Variants in PKP1 observed in about 807,000 individuals in gnomAD.
The protein encoded by PKP1 is plakophilin 1, also known as plakophilin-1.
Under a neutral mutation model 76.4 loss-of-function variants are expected in PKP1, and 27 were observed. That is an observed-to-expected ratio of 0.35 (90% CI 0.26 to 0.49). The LOEUF (loss-of-function observed/expected upper bound fraction) is 0.49. Ranked by LOEUF, PKP1 falls within the 20% of genes least tolerant of loss-of-function variation. The pLI, the probability that PKP1 is intolerant of heterozygous loss-of-function variation, is 0.99. For synonymous variants in PKP1, 404 were observed against 384.2 expected, an observed-to-expected ratio of 1.05 and a Z score of -0.60; for missense variants, 964 against 955.2, an observed-to-expected ratio of 1.01 and a Z score of -0.12.
At position 201,324,517 on chromosome 1, in the gene PKP1, G is replaced by A. The variant is rs1341608083; in HGVS notation, c.1770G>A (p.Val590=). The change falls in exon 10 of 14, where the codon GTG becomes GTA. Residue 590 remains valine (V), a synonymous_variant. Coordinates refer to ENST00000367324, the MANE Select transcript of PKP1 (RefSeq NM_001005337.3). ...TCCTGCAATCTGGCAACTCTGATGT[G>A]GTGCGGTCCGGAGCCTCCCTCCTGA... ...ARLLQSGNSD[V]VRSGASLLSN... is the part of the protein sequence containing the mutation. The A allele has an allele frequency of 6.2e-7, 1 of 1,614,128 alleles. No homozygotes were observed. Among genetic ancestry groups the A allele is most frequent in the East Asian group, 2.2e-5 (1 of 44,868 alleles).
chr1:201,322,086 G>A lies in PKP1; in HGVS notation c.1456G>A (p.Glu486Lys), dbSNP rs745505593. The A allele has an allele frequency of 1.2e-5, 19 of 1,612,954 alleles. No individual in the cohort carries two copies. The highest frequency in any genetic ancestry group is 4.5e-5 in the East Asian group (2 of 44,890). Residue 486 changes from glutamate to lysine, a missense_variant, in exon 8 of 14, where the codon GAG becomes AAG. Transcript: ENST00000367324. ...GTATAACGCCCGCAACGCCTACACCGAGAAGTCCTCCACTGGCTGCTTCAG... is the reference window on the plus strand; with the variant it reads ...GTATAACGCCCGCAACGCCTACACCAAGAAGTCCTCCACTGGCTGCTTCAG... ...LEYNARNAYT[E>K]KSSTGCFSNK...
intron 5 of PKP1, among the ~76,000 whole-genome samples, 200 bp downstream of exon 5, chr1:201,317,979 G>T (rs1656815181): frequency 6.6e-6 from 1 of 152,238 alleles, no homozygotes; most frequent in Admixed American, 6.5e-5. Flanking sequence ...ACCTTGGGTG[G>T]TGTGCACACA....
rs376318223 is a variant in PKP1, at chr1:201,320,361, G to T, written c.1327G>T (p.Ala443Ser). Residue 443 changes from alanine (A) to serine (S), a missense_variant, in exon 7 of 14, where the codon GCC (alanine) becomes TCC (serine). Coordinates refer to ENST00000367324, the MANE Select transcript of PKP1 (RefSeq NM_001005337.3). The stretch of plus-strand genomic sequence containing the variant: ...GGCCTATGTCCAGAACTGTGTAGCG[G>T]CCAGCCGCTGTGACGACAAGGTGAG... ...LMAYVQNCVAASRCDDKSVEN... is the reference protein window; with the variant it reads ...LMAYVQNCVASSRCDDKSVEN... 4 of 1,612,428 alleles carry T rather than the reference G, an allele frequency of 2.5e-6. No individual in the cohort carries two copies. The African/African-American group carries it at 4.0e-5, about 16-fold the overall frequency.
Position 201,317,798 on chromosome 1 carries a change from C to G in PKP1, c.1054+19C>G. 2 of 1,608,416 alleles carry G rather than the reference C, an allele frequency of 1.2e-6. No individual in the cohort carries two copies. The highest frequency in any genetic ancestry group is 1.7e-6 in the Non-Finnish European group (2 of 1,177,710). ...CTGACTGGTAGGACAACACGGCCAC[C>G]GAGAGCCAGCCTGAGGGCTGTGCAA... On this transcript the variant is annotated intron_variant, in intron 5 of 13. Transcript: ENST00000367324.
Position 201,283,537 on chromosome 1 carries a change from C to A in PKP1, c.-166C>A. 1 of 688,450 alleles carries A rather than the reference C, an allele frequency of 1.5e-6. No individual in the cohort carries two copies. Among genetic ancestry groups the A allele is most frequent in the Non-Finnish European group, 2.6e-6 (1 of 386,896 alleles). 42.6% of individuals were successfully genotyped at this position (688,450 alleles called of 1,614,324 possible). ...AGAGAGGGACGAACCAGGGTGGAAGCGCCAGGAGCAGCTGCAGGGAGCCCT... is the reference window on the plus strand; with the variant it reads ...AGAGAGGGACGAACCAGGGTGGAAGAGCCAGGAGCAGCTGCAGGGAGCCCT... On this transcript the variant is annotated 5_prime_UTR_variant, in exon 1 of 14. Coordinates refer to ENST00000367324, the MANE Select transcript of PKP1 (RefSeq NM_001005337.3).
chr1:201,307,486 T>C (rs1196218382), intron 2 of PKP1, among the ~76,000 whole-genome samples: 3 of 152,152 alleles, frequency 2.0e-5, no homozygotes, highest in South Asian at 2.1e-4. Context: ...CCTACCCCTT[T>C]GGGAAGATTC....
Position 201,316,618 on chromosome 1 carries a change from C to T in PKP1, c.767C>T (p.Ser256Phe). ...TIPKAVQYLS[S>F]QDEKYQAIGA... Reference sequence around the variant, plus strand: ...CCCAAGGCTGTGCAGTACCTGAGCTCCCAGGATGAGAAGTACCAGGCCATT... The same window carrying T: ...CCCAAGGCTGTGCAGTACCTGAGCTTCCAGGATGAGAAGTACCAGGCCATT... The change falls in exon 4 of 14, where the codon TCC (serine) becomes TTC (phenylalanine). Residue 256 changes from serine (S) to phenylalanine (F), a missense_variant. Coordinates refer to ENST00000367324, the MANE Select transcript of PKP1 (RefSeq NM_001005337.3). 2 of 1,613,104 alleles carry T rather than the reference C, an allele frequency of 1.2e-6. No homozygotes were observed. The highest frequency in any genetic ancestry group is 1.7e-6 in the Non-Finnish European group (2 of 1,179,592).
intron 2 of PKP1, among the ~76,000 whole-genome samples, chr1:201,302,743 C>T (rs566742182): frequency 2.4e-4 from 36 of 152,314 alleles, no homozygotes; most frequent in Middle Eastern, 3.4e-3. Flanking sequence ...GCTCTAGACC[C>T]GGAGCCCCTC....
At position 201,313,282 on chromosome 1, in the gene PKP1, C is replaced by A. The variant is rs757688426; in HGVS notation, c.423C>A (p.Gly141=). Residue 141 remains glycine, a synonymous_variant, in exon 3 of 14, where the codon GGC becomes GGA. Coordinates refer to ENST00000367324, the MANE Select transcript of PKP1 (RefSeq NM_001005337.3). ...PRGSCNTTGA[G]SDICFMQKIK... ...GCAGCTGTAACACCACCGGCGCAGG[C>A]AGCGACATCTGCTTCATGCAGAAAA... The A allele has an allele frequency of 1.9e-6, 3 of 1,603,580 alleles. No homozygotes were observed. Among genetic ancestry groups the A allele is most frequent in the South Asian group, 2.2e-5 (2 of 89,300 alleles).
At chr1:201,305,099 A>T (rs1025090476) in intron 2 of PKP1, among the ~76,000 whole-genome samples, 5 of 152,092 alleles carry the variant, frequency 3.3e-5, no homozygotes, top group African/African-American at 1.2e-4. Context: ...GCAGGTGGGG[A>T]GTGCATATAG....
chr1:201,301,495 T>G (rs1656229485), intron 2 of PKP1, among the ~76,000 whole-genome samples: 1 of 152,158 alleles, frequency 6.6e-6, no homozygotes, highest in Non-Finnish European at 1.5e-5. Flanking sequence ...TATGCTTGGA[T>G]GGGCCTGGGG....
intron 10 of PKP1, 26 bp from the exon 11 acceptor site, chr1:201,324,915 T>C (rs1226377741): frequency 6.2e-7 from 1 of 1,608,814 alleles, no homozygotes; most frequent in Non-Finnish European, 8.5e-7. Context: ...ATCCTGACCC[T>C]GTGCCCCAAC....
At chr1:201,289,177 CT>C (rs1461632231) in intron 1 of PKP1, among the ~76,000 whole-genome samples, 1 of 152,214 alleles carries the variant, frequency 6.6e-6, no homozygotes, top group African/African-American at 2.4e-5. Flanking sequence ...CTCCTGCCCA[CT>C]CCGAAACACC....
chr1:201,318,003 T>C (rs1656815682), intron 5 of PKP1, among the ~76,000 whole-genome samples: 1 of 152,232 alleles, frequency 6.6e-6, no homozygotes, highest in African/African-American at 2.4e-5. Context: ...GGGGTCACCA[T>C]CTTTTTGAGG....
In PKP1 at chr1:201,317,786, C is replaced by G; in HGVS notation, c.1054+7C>G. 6.2e-7 allele frequency: 1 copy of G among 1,609,792 alleles called. No individual in the cohort carries two copies. Among genetic ancestry groups the G allele is most frequent in the East Asian group, 2.2e-5 (1 of 44,706 alleles). ...ATCCAGAAGCAGCTGACTGGTAGGA[C>G]AACACGGCCACCGAGAGCCAGCCTG... is the stretch of plus-strand genomic sequence containing the variant. On this transcript the variant is annotated splice_region_variant and intron_variant, in intron 5 of 13. Coordinates refer to ENST00000367324, the MANE Select transcript of PKP1 (RefSeq NM_001005337.3).
At chr1:201,305,565 G>A (rs1485540828) in intron 2 of PKP1, among the ~76,000 whole-genome samples, 4 of 152,210 alleles carry the variant, frequency 2.6e-5, no homozygotes, top group African/African-American at 7.2e-5. Context: ...TTCCACTGTT[G>A]GGTCTCCAGG....
At chr1:201,309,744 A>G (rs971374904) in intron 2 of PKP1, among the ~76,000 whole-genome samples, 1 of 152,216 alleles carries the variant, frequency 6.6e-6, no homozygotes, top group Non-Finnish European at 1.5e-5. Flanking sequence ...GGGACCTGGA[A>G]GACAGTGTTT....
intron 8 of PKP1, 85 bp downstream of exon 8, chr1:201,322,218 C>G: frequency 1.4e-6 from 2 of 1,445,938 alleles, no homozygotes; most frequent in South Asian, 2.4e-5. Flanking sequence ...TCCTCTGGGC[C>G]CTCCTGGAGC....
At chr1:201,293,894 A>G in intron 1 of PKP1, 48 bp from the exon 2 acceptor site, 1 of 1,242,888 alleles carries the variant, frequency 8.0e-7, no homozygotes, top group Non-Finnish European at 1.2e-6. Context: ...ACAGGGGTGG[A>G]TGAAGATCAT....
Sources: gnomAD v4.1 joint callset for allele counts (sites outside exome capture counted in the v4.1 genomes callset) on GRCh38, gnomAD v4.1.1 for gene constraint, MANE v1.5 for transcripts, NCBI Gene and HGNC (gene_info 2026-07-23, HGNC 2026-07-21) for gene names.